The following TOMM70 variants were observed in gnomAD, a reference collection of about 807,000 sequenced individuals.
TOMM70 encodes the protein mitochondrial import receptor subunit TOM70.
In TOMM70, 13 loss-of-function variants were observed where a neutral mutation model predicts 73.6. That is an observed-to-expected ratio of 0.18 (90% CI 0.11 to 0.28). TOMM70 has a LOEUF of 0.28. Ranked by LOEUF, TOMM70 falls within the 10% of genes least tolerant of loss-of-function variation. The pLI is 1.00. For synonymous variants in TOMM70, 257 were observed against 271.2 expected, an observed-to-expected ratio of 0.95 and a Z score of 0.51; for missense variants, 609 against 747.5, an observed-to-expected ratio of 0.81 and a Z score of 2.16.
intron 7 of TOMM70, among the ~76,000 whole-genome samples, chr3:100,374,392 C>A (rs766052536): frequency 6.6e-6 from 1 of 152,104 alleles, no homozygotes; most frequent in Non-Finnish European, 1.5e-5. Context: ...GACACATGAC[C>A]CTATTAGGTA....
In TOMM70 at chr3:100,386,393, C is replaced by T. The variant is rs767053461; in HGVS notation, c.499-49G>A. ...AAGTCACACTAAAGAAAGTACTGTTCAATAGAAATCAGTTTAAACTTGATA... is the reference window on the plus strand; with the variant it reads ...AAGTCACACTAAAGAAAGTACTGTTTAATAGAAATCAGTTTAAACTTGATA... On this transcript the variant is annotated intron_variant, in intron 2 of 11. Coordinates refer to ENST00000284320, the MANE Select transcript of TOMM70 (RefSeq NM_014820.5). The T allele has an allele frequency of 2.6e-6, 4 of 1,522,488 alleles. No individual in the cohort carries two copies. In the South Asian group the frequency reaches 5.3e-5, roughly 20 times the overall value. The allele number at this position is 1,522,488 out of a possible 1,614,324, so 94.3% of individuals were successfully genotyped here.
In TOMM70 at chr3:100,398,046, C is replaced by T. The variant is rs149149883; in HGVS notation, c.324+2580G>A. 4.4e-3 allele frequency among the ~76,000 whole-genome samples: 674 copies of T among 152,060 alleles called. 17 individuals carry two copies. Among genetic ancestry groups the T allele is most frequent in the Admixed American group, 0.033 (500 of 15,266 alleles). On this transcript the variant is annotated intron_variant, in intron 1 of 11. Transcript: ENST00000284320. ...TTTATCAAATACCAATGGTACAGAT[C>T]CCCTGGGATGAGGTGGGGTGGCTGA...
chr3:100,391,912 A>G (rs1283332347), intron 1 of TOMM70, among the ~76,000 whole-genome samples: 1 of 152,176 alleles, frequency 6.6e-6, no homozygotes, highest in Non-Finnish European at 1.5e-5. Context: ...CCACTGACCC[A>G]GAGCAGCTTC....
rs552735556 is a variant in TOMM70, at chr3:100,377,441, T to TAG, written c.1092+262_1092+263dup. ...ACTGCCCAAATACAGTCCAATATGG[T>TAG]AGGCAGTGGCTACAGGGAGACGATG... On this transcript the variant is annotated intron_variant, in intron 6 of 11. Coordinates refer to ENST00000284320, the MANE Select transcript of TOMM70 (RefSeq NM_014820.5). 2.7e-3 allele frequency: 1,101 copies of TAG among 408,270 alleles called. 14 individuals are homozygous for TAG. Among genetic ancestry groups the TAG allele is most frequent in the African/African-American group, 0.02 (1,017 of 49,930 alleles). 25.3% of individuals were successfully genotyped at this position (408,270 alleles called of 1,614,324 possible).
chr3:100,378,143 T>G (rs888494484), intron 5 of TOMM70, among the ~76,000 whole-genome samples: 21 of 151,726 alleles, frequency 1.4e-4, no homozygotes, highest in African/African-American at 5.1e-4. Context: ...CTTAGGAGGC[T>G]GAGGCAGGAG....
At position 100,365,261 on chromosome 3, in the gene TOMM70, AT is replaced by A; in HGVS notation, c.*302del. The A allele has an allele frequency of 3.6e-6, 1 of 276,112 alleles. No homozygotes were observed. 17.1% of individuals were successfully genotyped at this position (276,112 alleles called of 1,614,324 possible). ...ACTGCCAACCCCCCTTAAAAAAAAA[AT>A]CAACAAATCAGTTTTTATTTGCATG... On this transcript the variant is annotated 3_prime_UTR_variant, in exon 12 of 12. Transcript: ENST00000284320.
chr3:100,386,296 T>G lies in TOMM70; in HGVS notation c.547A>C (p.Asn183His). The change falls in exon 3 of 12, where the codon AAT becomes CAT. Residue 183 changes from asparagine (N) to histidine (H), a missense_variant. Physicochemically the swap from Asn to His is moderately conservative, Grantham distance 68. Around this residue, in one of 2 missense-constraint regions of TOMM70, gnomAD observed 432 missense variants for 584.1 expected, o/e 0.74. Coordinates refer to ENST00000284320, the MANE Select transcript of TOMM70 (RefSeq NM_014820.5). ...AAGAGAGCTTTCACATATTTGGGAT[T>G]AAGTTCAACAGCTTTTGTACAGTCT... ...AQDCTKAVEL[N>H]PKYVKALFRR... The G allele has an allele frequency of 6.2e-7, 1 of 1,613,400 alleles. No homozygotes were observed.
At chr3:100,375,378 G>C (rs1245409790) in intron 6 of TOMM70, among the ~76,000 whole-genome samples, 1 of 152,082 alleles carries the variant, frequency 6.6e-6, no homozygotes. Context: ...CAAATAAGCA[G>C]TCACTCTCCA....
intron 7 of TOMM70, among the ~76,000 whole-genome samples, chr3:100,374,154 G>A (rs1367907534): frequency 2.0e-5 from 3 of 152,120 alleles, no homozygotes; most frequent in Non-Finnish European, 4.4e-5. Context: ...CATTTTTACT[G>A]TACCTTTTCT....
rs1706583055 is a variant in TOMM70 at position 100,377,890 on chromosome 3, G to T, written c.907C>A (p.Gln303Lys). ...TCGTAGTTTTCTTCTTCCATATACT[G>T]TTTGGCCTTTAAGTATCCAGAACTG... ...KENSGYLKAK[Q>K]YMEEENYDKI... is the part of the protein sequence containing the mutation. Residue 303 changes from glutamine to lysine, a missense_variant, in exon 6 of 12, where the codon CAG (glutamine) becomes AAG (lysine). Physicochemically the swap from Gln to Lys is moderately conservative, Grantham distance 53. This residue lies in a region of TOMM70 where 432 missense variants were observed against 584.1 expected (regional missense o/e 0.74). Transcript: ENST00000284320. The T allele has an allele frequency of 6.2e-7, 1 of 1,613,396 alleles. No individual in the cohort carries two copies. Among genetic ancestry groups the T allele is most frequent in the Admixed American group, 1.7e-5 (1 of 59,964 alleles).
rs542627831 is a variant in TOMM70, at chr3:100,372,705, C to T, written c.1353G>A (p.Thr451=). Residue 451 remains threonine (T), a synonymous_variant, in exon 9 of 12, where the codon ACG becomes ACA. Transcript: ENST00000284320. The part of the protein sequence containing the change: ...KCFALYRQAY[T]GNNSSQIQAA... Reference sequence around the variant, plus strand: ...CTTGGATTTGTGAAGAGTTGTTTCCCGTATATGCCTGGCGGTACTATAAAA... The same window carrying T: ...CTTGGATTTGTGAAGAGTTGTTTCCTGTATATGCCTGGCGGTACTATAAAA... 669 of 1,613,614 alleles carry T rather than the reference C, an allele frequency of 4.1e-4. 3 individuals are homozygous for T. Among genetic ancestry groups the T allele is most frequent in the South Asian group, 3.9e-3 (351 of 90,992 alleles).
chr3:100,374,888 ACT>A (rs1706545751), intron 7 of TOMM70, 128 bp downstream of exon 7: 2 of 1,035,282 alleles, frequency 1.9e-6, no homozygotes, highest in Admixed American at 6.6e-5. Flanking sequence ...ACTGTAAACC[ACT>A]GTGATACTTT....
In TOMM70 at chr3:100,364,013, C is replaced by T; in HGVS notation, c.*1551G>A. On this transcript the variant is annotated 3_prime_UTR_variant, in exon 12 of 12. Transcript: ENST00000284320. Reference sequence around the variant, plus strand: ...GGGGTGTAAAAATGCTCCTTTACTCCCAACAGTGTAAACCATAATTATAAT... The same window carrying T: ...GGGGTGTAAAAATGCTCCTTTACTCTCAACAGTGTAAACCATAATTATAAT... 6.6e-6 allele frequency: 1 copy of T among 151,986 alleles called. No homozygotes were observed. The highest frequency in any genetic ancestry group is 1.9e-4 in the East Asian group (1 of 5,200). The allele number at this position is 151,986 out of a possible 1,614,324, so 9.4% of individuals were successfully genotyped here. A position where few individuals can be genotyped will look rare whatever the true frequency, so the allele number is the denominator to read the frequency against.
intron 1 of TOMM70, among the ~76,000 whole-genome samples, chr3:100,391,583 T>C (rs888177172): frequency 7.9e-5 from 12 of 152,172 alleles, no homozygotes; most frequent in South Asian, 4.1e-4. Flanking sequence ...AGCTGTACAA[T>C]GTGCTTGTGT....
At chr3:100,390,012 C>T (rs1706740687) in intron 1 of TOMM70, among the ~76,000 whole-genome samples, 1 of 152,066 alleles carries the variant, frequency 6.6e-6, no homozygotes, top group Non-Finnish European at 1.5e-5. Flanking sequence ...TGCACTCCAG[C>T]CTGGGAGACA....
chr3:100,380,468 G>C (rs1355575909), intron 5 of TOMM70, among the ~76,000 whole-genome samples: 1 of 152,144 alleles, frequency 6.6e-6, no homozygotes, highest in Non-Finnish European at 1.5e-5. Flanking sequence ...CAATAACCTT[G>C]TAAGGTAAAT....
chr3:100,370,300 A>G (rs927673547), intron 9 of TOMM70, among the ~76,000 whole-genome samples: 5 of 152,072 alleles, frequency 3.3e-5, no homozygotes, highest in Non-Finnish European at 7.3e-5. Context: ...TCTCCCTTTA[A>G]TAATAGGCAG....
intron 9 of TOMM70, among the ~76,000 whole-genome samples, chr3:100,370,641 G>GTA (rs531376038): frequency 1.1e-4 from 16 of 151,756 alleles, no homozygotes; most frequent in South Asian, 4.2e-4. Flanking sequence ...GTTACACTAA[G>GTA]TATATATATA....
At chr3:100,380,683 G>A (rs1298491306) in intron 5 of TOMM70, among the ~76,000 whole-genome samples, 2 of 152,146 alleles carry the variant, frequency 1.3e-5, no homozygotes, top group African/African-American at 2.4e-5. Flanking sequence ...GAAAGTATTT[G>A]CATAACTGTC....
Sources: allele counts gnomAD v4.1 joint callset (sites outside exome capture counted in the v4.1 genomes callset), GRCh38; gene constraint gnomAD v4.1.1; regional missense constraint gnomAD v4.1.1; transcripts MANE v1.5; gene names NCBI Gene and HGNC (gene_info 2026-07-23, HGNC 2026-07-21).